INTS4: variants seen among roughly 807,000 people sequenced by gnomAD.
INTS4 encodes integrator complex subunit 4, also known as MSTP093.
Under a neutral mutation model 119.5 loss-of-function variants are expected in INTS4, and 70 were observed. The observed-to-expected ratio is 0.59, with a 90% confidence interval of 0.48 to 0.71. INTS4 has a LOEUF of 0.71. Among genes scored for constraint, INTS4 ranks in the 30% least tolerant of loss-of-function variants. The probability of loss-of-function intolerance (pLI) is 0.00; values close to 1 mark genes in which losing one functional copy is unlikely to be tolerated. For missense variants in INTS4, 867 were observed against 1,173.2 expected (o/e 0.74, Z 3.81); for synonymous variants, 316 against 419.6 (o/e 0.75, Z 3.02).
chr11:77,878,132 G>A (rs1472002781), downstream of INTS4, among the ~76,000 whole-genome samples: 2 of 152,080 alleles, frequency 1.3e-5, no homozygotes, highest in Non-Finnish European at 2.9e-5. Flanking sequence ...GGAGGCCAAG[G>A]TGGGCAGATC....
At chr11:77,889,453 G>A (rs111283739) in intron 21 of INTS4, among the ~76,000 whole-genome samples, 1,529 of 151,992 alleles carry the variant, frequency 0.01, 31 homozygotes, top group African/African-American at 0.033. Context: ...GCTAGATGAC[G>A]AGTTAATGGG....
chr11:77,925,961 A>G (rs1481976995), intron 11 of INTS4, among the ~76,000 whole-genome samples: 3 of 152,190 alleles, frequency 2.0e-5, no homozygotes, highest in African/African-American at 7.2e-5. Flanking sequence ...TAACCACTCA[A>G]ATTACAGAGA....
downstream of INTS4, among the ~76,000 whole-genome samples, chr11:77,874,390 G>C (rs1448641985): frequency 1.4e-5 from 2 of 146,046 alleles, no homozygotes; most frequent in African/African-American, 5.1e-5. Flanking sequence ...TTTTTTTTTG[G>C]TCAAATGTAA....
chr11:77,983,495 C>T (rs1163521300), intron 2 of INTS4, among the ~76,000 whole-genome samples: 2 of 152,076 alleles, frequency 1.3e-5, no homozygotes, highest in Non-Finnish European at 2.9e-5. Context: ...ACAAGAGAAA[C>T]AACCCAAATC....
At chr11:77,922,995 T>C (rs1178666174) in intron 12 of INTS4, among the ~76,000 whole-genome samples, 1 of 152,082 alleles carries the variant, frequency 6.6e-6, no homozygotes, top group Admixed American at 6.6e-5. Flanking sequence ...TCTTGAGATA[T>C]TATCTTATGA....
At chr11:77,882,242 AG>A (rs1356611921) in intron 22 of INTS4, among the ~76,000 whole-genome samples, 1 of 152,174 alleles carries the variant, frequency 6.6e-6, no homozygotes, top group Non-Finnish European at 1.5e-5. Flanking sequence ...ATTCAGGCTC[AG>A]GATCGCCTGG....
At chr11:77,969,035 C>G (rs1855603918) in intron 4 of INTS4, among the ~76,000 whole-genome samples, 1 of 151,960 alleles carries the variant, frequency 6.6e-6, no homozygotes, top group Non-Finnish European at 1.5e-5. Context: ...CCTCTGCCTC[C>G]CTGGTTCAAG....
intron 4 of INTS4, among the ~76,000 whole-genome samples, chr11:77,969,693 CTGCACATATA>C (rs1464395364): frequency 1.3e-5 from 2 of 151,718 alleles, no homozygotes; most frequent in Non-Finnish European, 2.9e-5. Context: ...CTTTTCCGTA[CTGCACATATA>C]TGCACAACCA....
Position 77,961,155 on chromosome 11 carries a change from A to G in INTS4, c.472-17T>C, listed in dbSNP as rs1460956942. 62 of 1,537,736 alleles carry G rather than the reference A, an allele frequency of 4.0e-5. No homozygotes were observed. Among genetic ancestry groups the G allele is most frequent in the Middle Eastern group, 1.8e-4 (1 of 5,668 alleles). Reference sequence around the variant, plus strand: ...TGTCAGATGCTATTAAAAAAAAAAAAAAAAAGAAAAAAAGAAAAAGAAAAA... The same window carrying G: ...TGTCAGATGCTATTAAAAAAAAAAAGAAAAAGAAAAAAAGAAAAAGAAAAA... On this transcript the variant is annotated splice_polypyrimidine_tract_variant and intron_variant, in intron 4 of 22. Coordinates refer to ENST00000534064, the MANE Select transcript of INTS4 (RefSeq NM_033547.4).
chr11:77,984,367 G>A (rs1254448787), intron 2 of INTS4, among the ~76,000 whole-genome samples: 2 of 152,024 alleles, frequency 1.3e-5, no homozygotes, highest in Non-Finnish European at 2.9e-5. Context: ...GGTGGTGCAC[G>A]CCTATAGTCC....
intron 21 of INTS4, among the ~76,000 whole-genome samples, chr11:77,888,989 A>G (rs1466453006): frequency 6.6e-6 from 1 of 152,242 alleles, no homozygotes; most frequent in Non-Finnish European, 1.5e-5. Flanking sequence ...ACTGTAAACT[A>G]GTTCAACCAT....
At chr11:77,883,024 C>T (rs1223353554) in intron 22 of INTS4, among the ~76,000 whole-genome samples, 1 of 151,894 alleles carries the variant, frequency 6.6e-6, no homozygotes, top group Non-Finnish European at 1.5e-5. Flanking sequence ...TGCAGTGAGC[C>T]GAGATTGCAC....
chr11:77,883,988 G>A (rs371958707), intron 21 of INTS4, 36 bp from the exon 22 acceptor site: 23 of 1,601,466 alleles, frequency 1.4e-5, no homozygotes, highest in African/African-American at 5.4e-5. Context: ...AGGCAGAAGC[G>A]AGAGGAGCAT....
At chr11:77,889,774 T>TG (rs1952183292) in intron 21 of INTS4, among the ~76,000 whole-genome samples, 1 of 152,162 alleles carries the variant, frequency 6.6e-6, no homozygotes, top group African/African-American at 2.4e-5. Flanking sequence ...TGTCCCACGA[T>TG]GGGGCAGTGA....
Position 77,961,149 on chromosome 11 carries a change from A to C in INTS4, c.472-11T>G. The C allele has an allele frequency of 1.3e-6, 2 of 1,541,664 alleles. No homozygotes were observed. The highest frequency in any genetic ancestry group is 2.5e-5 in the South Asian group (2 of 79,936). On this transcript the variant is annotated splice_polypyrimidine_tract_variant and intron_variant, in intron 4 of 22. Coordinates refer to ENST00000534064, the MANE Select transcript of INTS4 (RefSeq NM_033547.4). ...CGTATCTGTCAGATGCTATTAAAAA[A>C]AAAAAAAAAAAGAAAAAAAGAAAAA...
At chr11:77,895,527 GAAAAAAAAAAAAAAAAAAAA>G (rs71046921) in intron 18 of INTS4, among the ~76,000 whole-genome samples, 6 of 39,234 alleles carry the variant, frequency 1.5e-4, no homozygotes, top group Admixed American at 4.2e-4. Flanking sequence ...TTCTTTTCCT[GAAAAAAAAAAAAAAAAAAAA>G]AAAAAAAAAA....
chr11:77,897,886 G>A (rs772814104), intron 18 of INTS4, among the ~76,000 whole-genome samples: 19 of 152,040 alleles, frequency 1.2e-4, no homozygotes, highest in Non-Finnish European at 1.5e-4. Context: ...ATAGCTCATT[G>A]CAGCCTTGAA....
chr11:77,940,785 T>C (rs1953912888), intron 9 of INTS4, among the ~76,000 whole-genome samples: 1 of 152,076 alleles, frequency 6.6e-6, no homozygotes, highest in African/African-American at 2.4e-5. Context: ...TACAGGCGCA[T>C]GCCACCACAC....
At position 77,891,580 on chromosome 11, in the gene INTS4, C is replaced by A. The variant is rs569970123; in HGVS notation, c.2448+101G>T. On this transcript the variant is annotated intron_variant, in intron 20 of 22. Transcript: ENST00000534064. ...GGCATGTGGGAGCCACTCAGAGGAA[C>A]AGCCTAGCCCAGCTGCTCCACTGGT... 13 of 1,565,240 alleles carry A rather than the reference C, an allele frequency of 8.3e-6. No homozygotes were observed. In the South Asian group the frequency reaches 1.3e-4, roughly 16 times the overall value.
Sources: allele counts gnomAD v4.1 joint callset (sites outside exome capture counted in the v4.1 genomes callset), GRCh38; gene constraint gnomAD v4.1.1; transcripts MANE v1.5; gene names NCBI Gene and HGNC (gene_info 2026-07-23, HGNC 2026-07-21).